CLOCK: variants seen among roughly 807,000 people sequenced by gnomAD.
CLOCK encodes the protein circadian locomoter output cycles protein kaput.
A neutral mutation model predicts 118.4 loss-of-function variants in CLOCK; 43 were observed. The observed-to-expected ratio is 0.36, with a 90% CI of 0.28 to 0.47. The LOEUF is 0.47. Ranked by LOEUF, CLOCK falls within the 20% of genes least tolerant of loss-of-function variation. The pLI, the probability that CLOCK is intolerant of heterozygous loss-of-function variation, is 1.00. For synonymous variants in CLOCK, 326 were observed against 339.2 expected, an observed-to-expected ratio of 0.96 and a Z score of 0.43; for missense variants, 846 against 999.9, an observed-to-expected ratio of 0.85 and a Z score of 2.08.
chr4:55,485,894 A>G (rs1051202806), intron 3 of CLOCK, among the ~76,000 whole-genome samples: 1 of 152,158 alleles, frequency 6.6e-6, no homozygotes, highest in African/African-American at 2.4e-5. Context: ...CACACAAATT[A>G]AAATTAAAAT....
At chr4:55,450,340 G>A in intron 15 of CLOCK, 108 bp from the exon 16 acceptor site, 1 of 1,270,710 alleles carries the variant, frequency 7.9e-7, no homozygotes, top group Middle Eastern at 2.5e-4. Flanking sequence ...CTATAACAAG[G>A]CAAAAGTACC....
chr4:55,440,228 GACATTCTAACAGTGAATAA>G (rs1723246324), intron 21 of CLOCK, among the ~76,000 whole-genome samples: 2 of 152,076 alleles, frequency 1.3e-5, no homozygotes, highest in Admixed American at 6.6e-5. Flanking sequence ...AAAACCAAAT[GACATTCTAACAGTGAATAA>G]AAACTCCTCT....
At chr4:55,457,045 A>G (rs1425098072) in intron 11 of CLOCK, among the ~76,000 whole-genome samples, 2 of 152,198 alleles carry the variant, frequency 1.3e-5, no homozygotes, top group African/African-American at 2.4e-5. Flanking sequence ...TAACCTTTAG[A>G]TGCAAGCTTT....
intron 2 of CLOCK, among the ~76,000 whole-genome samples, chr4:55,497,601 A>T (rs188358269): frequency 1.3e-5 from 2 of 152,354 alleles, no homozygotes; most frequent in Admixed American, 6.5e-5. Context: ...GTACTATGCC[A>T]GTAGTTCTTA....
intron 1 of CLOCK, among the ~76,000 whole-genome samples, chr4:55,526,914 T>C (rs1239108054): frequency 1.6e-5 from 2 of 123,188 alleles, no homozygotes; most frequent in Non-Finnish European, 3.1e-5. Context: ...ACCACTGCAC[T>C]CCAGCCCGGG....
chr4:55,480,118 C>T (rs1726815944), intron 4 of CLOCK, among the ~76,000 whole-genome samples: 1 of 152,222 alleles, frequency 6.6e-6, no homozygotes, highest in South Asian at 2.1e-4. Flanking sequence ...GTAAACATCA[C>T]AATGTAATGC....
Position 55,432,876 on chromosome 4 carries a change from T to C in CLOCK, c.*2539A>G, listed in dbSNP as rs1288716714. 6.6e-6 allele frequency: 1 copy of C among 152,580 alleles called. No homozygotes were observed. The highest frequency in any genetic ancestry group is 2.4e-5 in the African/African-American group (1 of 41,448). The allele number at this position is 152,580 out of a possible 1,614,324, so 9.5% of individuals were successfully genotyped here. ...GACTATTTGTGGAGATGGGAAATAA[T>C]TGAAGGGGCTGGAGTAGGACAATGT... On this transcript the variant is annotated 3_prime_UTR_variant, in exon 23 of 23. Coordinates refer to ENST00000513440, the MANE Select transcript of CLOCK (RefSeq NM_004898.4).
intron 7 of CLOCK, among the ~76,000 whole-genome samples, chr4:55,473,716 A>G (rs1726299603): frequency 6.6e-6 from 1 of 152,116 alleles, no homozygotes; most frequent in African/African-American, 2.4e-5. Context: ...AAGCAAGTCT[A>G]TCAGCATCAT....
intron 15 of CLOCK, chr4:55,452,613 A>G (rs990810669): frequency 5.4e-6 from 1 of 183,760 alleles, no homozygotes; most frequent in Non-Finnish European, 1.1e-5. Flanking sequence ...TATACTTCTG[A>G]CCTGATATAA....
intron 22 of CLOCK, among the ~76,000 whole-genome samples, chr4:55,437,889 G>C (rs1377934793): frequency 6.6e-6 from 1 of 152,104 alleles, no homozygotes; most frequent in Non-Finnish European, 1.5e-5. Flanking sequence ...AATAATTTAA[G>C]GTAACACCTA....
chr4:55,447,057 T>A (rs976078058), intron 18 of CLOCK, among the ~76,000 whole-genome samples: 16 of 152,176 alleles, frequency 1.1e-4, no homozygotes, highest in African/African-American at 3.6e-4. Flanking sequence ...TGTTTTTTTT[T>A]AAATATTAGT....
chr4:55,530,043 C>T (rs931893542), intron 1 of CLOCK, among the ~76,000 whole-genome samples: 3 of 152,120 alleles, frequency 2.0e-5, no homozygotes, highest in Non-Finnish European at 4.4e-5. Context: ...CCAAAATGGG[C>T]AAACATAGAC....
At chr4:55,466,462 C>T (rs1007917530) in intron 8 of CLOCK, among the ~76,000 whole-genome samples, 2 of 152,104 alleles carry the variant, frequency 1.3e-5, no homozygotes, top group African/African-American at 4.8e-5. Flanking sequence ...AACATGCCAC[C>T]AACTTGAAAT....
intron 1 of CLOCK, among the ~76,000 whole-genome samples, chr4:55,540,256 C>T (rs576450368): frequency 6.6e-6 from 1 of 152,148 alleles, no homozygotes; most frequent in Admixed American, 6.5e-5. Flanking sequence ...GATCCACCCA[C>T]CTCAGCCTCC....
Position 55,435,453 on chromosome 4 carries a change from C to A in CLOCK, c.2503G>T (p.Asp835Tyr). ...QQQQLSRHRT[D>Y]SLPDPSKVQP... ...ACCTTGGAAGGGTCGGGCAAGCTGT[C>A]AGTCCTGTGCCGGCTGAGTTGCTGC... Residue 835 changes from aspartate to tyrosine, a missense_variant, in exon 23 of 23, where the codon GAC becomes TAC. Asp to Tyr is a radical substitution (Grantham distance 160). Coordinates refer to ENST00000513440, the MANE Select transcript of CLOCK (RefSeq NM_004898.4). The A allele has an allele frequency of 6.2e-7, 1 of 1,614,038 alleles. No homozygotes were observed. Among genetic ancestry groups the A allele is most frequent in the South Asian group, 1.1e-5 (1 of 91,064 alleles).
chr4:55,437,381 G>A (rs1464033437), intron 22 of CLOCK, among the ~76,000 whole-genome samples: 1 of 152,180 alleles, frequency 6.6e-6, no homozygotes, highest in Non-Finnish European at 1.5e-5. Context: ...AGCTAGGCCA[G>A]AAGGGGAAAA....
chr4:55,472,953 G>A (rs961519975), intron 7 of CLOCK, among the ~76,000 whole-genome samples: 14 of 152,126 alleles, frequency 9.2e-5, no homozygotes, highest in African/African-American at 2.7e-4. Context: ...ACAACTGTTC[G>A]CCAGGCTTAC....
chr4:55,476,932 T>G (rs1022229135), intron 6 of CLOCK, among the ~76,000 whole-genome samples: 1 of 152,274 alleles, frequency 6.6e-6, no homozygotes, highest in East Asian at 1.9e-4. Context: ...TATCATCAGA[T>G]AGAGAAATAC....
chr4:55,499,480 T>C (rs1241784973), intron 2 of CLOCK, among the ~76,000 whole-genome samples: 2 of 152,240 alleles, frequency 1.3e-5, no homozygotes, highest in Non-Finnish European at 2.9e-5. Flanking sequence ...CTTGTTAAGT[T>C]AGATTCTCAT....
Sources: allele counts gnomAD v4.1 joint callset (sites outside exome capture counted in the v4.1 genomes callset), GRCh38; gene constraint gnomAD v4.1.1; transcripts MANE v1.5; gene names NCBI Gene and HGNC (gene_info 2026-07-23, HGNC 2026-07-21).